ROR1: variants seen among roughly 807,000 people sequenced by gnomAD.
ROR1 encodes ROR family WNT receptor 1, also known as inactive tyrosine-protein kinase transmembrane receptor ROR1.
A neutral mutation model predicts 78.8 loss-of-function variants in ROR1; 19 were observed. The observed-to-expected ratio is 0.24, with a 90% CI of 0.17 to 0.35. The LOEUF is 0.35. Among genes scored for constraint, ROR1 ranks in the 10% least tolerant of loss-of-function variants. The pLI is 1.00. For missense variants in ROR1, 917 were observed against 1,177.8 expected, an observed-to-expected ratio of 0.78 and a Z score of 3.24; for synonymous variants, 386 against 433.6, an observed-to-expected ratio of 0.89 and a Z score of 1.36.
chr1:63,883,245 C>T (rs1489831267), intron 1 of ROR1, among the ~76,000 whole-genome samples: 1 of 152,080 alleles, frequency 6.6e-6, no homozygotes, highest in Non-Finnish European at 1.5e-5. Flanking sequence ...AAAAATATCC[C>T]TACACTGTAC....
chr1:63,989,247 G>A (rs1233385947), intron 1 of ROR1, among the ~76,000 whole-genome samples: 1 of 150,790 alleles, frequency 6.6e-6, no homozygotes, highest in Admixed American at 6.6e-5. Context: ...CACATACTAG[G>A]TGTGGGAATT....
intron 1 of ROR1, among the ~76,000 whole-genome samples, chr1:63,829,117 T>C (rs947588324): frequency 6.6e-6 from 1 of 152,236 alleles, no homozygotes; most frequent in Non-Finnish European, 1.5e-5. Context: ...ACATAGTTGC[T>C]ATAATTTACT....
At chr1:63,792,714 C>A (rs1344655934) in intron 1 of ROR1, among the ~76,000 whole-genome samples, 1 of 152,244 alleles carries the variant, frequency 6.6e-6, no homozygotes, top group Non-Finnish European at 1.5e-5. Flanking sequence ...CTTCTTATTA[C>A]GCCAATTCTC....
At chr1:63,925,103 G>A (rs1289301713) in intron 1 of ROR1, among the ~76,000 whole-genome samples, 1 of 149,600 alleles carries the variant, frequency 6.7e-6, no homozygotes, top group Non-Finnish European at 1.5e-5. Context: ...ATGCTGGTGC[G>A]CTGCACCCAC....
At chr1:64,056,962 CTT>C (rs1646880449) in intron 4 of ROR1, among the ~76,000 whole-genome samples, 1 of 152,030 alleles carries the variant, frequency 6.6e-6, no homozygotes, top group Non-Finnish European at 1.5e-5. Context: ...TATGGATTGT[CTT>C]TTCATTTTCT....
Position 64,178,764 on chromosome 1 carries a change from A to C in ROR1, c.2723A>C (p.Lys908Thr). 6.2e-7 allele frequency: 1 copy of C among 1,614,078 alleles called. No individual in the cohort carries two copies. The highest frequency in any genetic ancestry group is 8.5e-7 in the Non-Finnish European group (1 of 1,180,026). ...GITVFGNKSQKPYKIDSKQAS... is the reference protein window; with the variant it reads ...GITVFGNKSQTPYKIDSKQAS... Reference sequence around the variant, plus strand: ...ACCGTTTTTGGCAACAAATCTCAAAAACCCTACAAAATTGACTCAAAGCAA... The same window carrying C: ...ACCGTTTTTGGCAACAAATCTCAAACACCCTACAAAATTGACTCAAAGCAA... The change falls in exon 9 of 9, where the codon AAA (lysine) becomes ACA (threonine). Residue 908 changes from lysine to threonine, a missense_variant. By Grantham distance (78) the Lys-to-Thr change is moderately conservative. This residue lies in a region of ROR1 where 835 missense variants were observed against 1,069.8 expected (regional missense o/e 0.78). Transcript: ENST00000371079. The surrounding 1 kb of genome is among the most constrained non-coding windows in gnomAD (Gnocchi z 4.3).
intron 4 of ROR1, among the ~76,000 whole-genome samples, chr1:64,089,238 C>G (rs1352589668): frequency 2.0e-5 from 3 of 151,022 alleles, no homozygotes; most frequent in African/African-American, 7.3e-5. Flanking sequence ...GAGACATGGT[C>G]TCACTCTGTG....
chr1:63,776,351 G>C (rs1297186369), intron 1 of ROR1, among the ~76,000 whole-genome samples: 1 of 152,114 alleles, frequency 6.6e-6, no homozygotes, highest in Non-Finnish European at 1.5e-5. Flanking sequence ...GTTTAAAAAA[G>C]GTATTGCCTA....
chr1:63,939,224 ATTAGAATTGTGTAGGCATC>A (rs908119543), intron 1 of ROR1, among the ~76,000 whole-genome samples: 24 of 152,260 alleles, frequency 1.6e-4, no homozygotes, highest in African/African-American at 5.5e-4. Flanking sequence ...TTTGCTGCAC[ATTAGAATTGTGTAGGCATC>A]TTTTAAAAAT....
chr1:64,056,570 A>C (rs1047416482), intron 4 of ROR1, among the ~76,000 whole-genome samples: 1 of 151,412 alleles, frequency 6.6e-6, no homozygotes, highest in Non-Finnish European at 1.5e-5. Flanking sequence ...CAGCTACTCG[A>C]GAGGCTGAGG....
intron 8 of ROR1, among the ~76,000 whole-genome samples, chr1:64,166,260 G>C (rs1237446413): frequency 1.3e-5 from 2 of 152,086 alleles, no homozygotes; most frequent in African/African-American, 2.4e-5. Context: ...TGCTCTTTTG[G>C]TTACTGTAGC....
chr1:63,804,777 A>T (rs1248480295), intron 1 of ROR1, among the ~76,000 whole-genome samples: 5 of 152,056 alleles, frequency 3.3e-5, no homozygotes. Context: ...CCTAGCTGCA[A>T]TCTCTCCCCT....
intron 1 of ROR1, among the ~76,000 whole-genome samples, chr1:63,780,478 T>TA (rs1644644277): frequency 1.3e-5 from 2 of 152,212 alleles, no homozygotes; most frequent in Admixed American, 1.3e-4. Flanking sequence ...GTTATGAACT[T>TA]ATAGCGCCTA....
rs1164177762 is a variant in ROR1, at chr1:63,787,476, TCCTTCCTGCCTTCCTG to T, written c.91+12977_91+12992del. Among the ~76,000 whole-genome samples, 243 of 132,554 alleles carry T rather than the reference TCCTTCCTGCCTTCCTG, an allele frequency of 1.8e-3. 1 individual carries two copies. Among genetic ancestry groups the T allele is most frequent in the African/African-American group, 7.0e-3 (232 of 33,014 alleles). The allele number at this position is 132,554 out of a possible 152,430, so 87.0% of individuals were successfully genotyped here. ...TTCCTTCCTTCCTTCCTTCCTTCCT[TCCTTCCTGCCTTCCTG>T]CCTTCCTGACTTCCTTTCTTTCCTT... is the stretch of plus-strand genomic sequence containing the variant. On this transcript the variant is annotated intron_variant, in intron 1 of 8. Transcript: ENST00000371079.
chr1:64,102,724 A>G (rs1361279255), intron 4 of ROR1, among the ~76,000 whole-genome samples: 1 of 152,168 alleles, frequency 6.6e-6, no homozygotes, highest in African/African-American at 2.4e-5. Context: ...CAGTTCCTTC[A>G]TTGTTAATCT....
At chr1:63,872,100 C>T (rs1645255207) in intron 1 of ROR1, among the ~76,000 whole-genome samples, 1 of 152,212 alleles carries the variant, frequency 6.6e-6, no homozygotes, top group South Asian at 2.1e-4. Flanking sequence ...AAACAAACTG[C>T]ATGCTTTCAG....
chr1:64,047,921 T>A (rs1252785875), intron 2 of ROR1, among the ~76,000 whole-genome samples: 1 of 152,220 alleles, frequency 6.6e-6, no homozygotes, highest in Non-Finnish European at 1.5e-5. Flanking sequence ...GTCATTATGG[T>A]AATGCAGTAG....
intron 1 of ROR1, among the ~76,000 whole-genome samples, chr1:63,857,196 TC>T (rs1223607836): frequency 6.6e-6 from 1 of 151,718 alleles, no homozygotes; most frequent in Non-Finnish European, 1.5e-5. Flanking sequence ...TAGATATGCA[TC>T]TTCATATATG....
At chr1:64,126,142 A>C (rs1648707793) in intron 4 of ROR1, among the ~76,000 whole-genome samples, 1 of 152,216 alleles carries the variant, frequency 6.6e-6, no homozygotes, top group Non-Finnish European at 1.5e-5. Flanking sequence ...AAGAAAAATG[A>C]GAATGGATTT....
Sources: gnomAD v4.1 joint callset for allele counts (sites outside exome capture counted in the v4.1 genomes callset) on GRCh38, gnomAD v4.1.1 for gene constraint, gnomAD v4.1.1 regional missense constraint, Gnocchi (gnomAD v3.1) non-coding constraint, MANE v1.5 for transcripts, NCBI Gene and HGNC (gene_info 2026-07-23, HGNC 2026-07-21) for gene names.